RSPRY1: variants seen among roughly 807,000 people sequenced by gnomAD.
The protein encoded by RSPRY1 is ring finger and SPRY domain containing 1.
Under a neutral mutation model 73.1 loss-of-function variants are expected in RSPRY1, and 23 were observed. That is an observed-to-expected ratio of 0.31 (90% CI 0.23 to 0.45). RSPRY1 has a LOEUF of 0.45. Ranked by LOEUF, RSPRY1 falls within the 20% of genes least tolerant of loss-of-function variation. The pLI, the probability that RSPRY1 is intolerant of heterozygous loss-of-function variation, is 1.00. For missense variants in RSPRY1, 448 were observed against 698.7 expected, an observed-to-expected ratio of 0.64 and a Z score of 4.05; for synonymous variants, 226 against 251.4, an observed-to-expected ratio of 0.90 and a Z score of 0.95.
rs565148294 is a variant in RSPRY1 at position 57,186,332 on chromosome 16, T to G, written c.-275T>G. 13 of 208,360 alleles carry G rather than the reference T, an allele frequency of 6.2e-5. No individual in the cohort carries two copies. Among genetic ancestry groups the G allele is most frequent in the Non-Finnish European group, 1.0e-4 (12 of 118,692 alleles). The allele number at this position is 208,360 out of a possible 1,614,324, so 12.9% of individuals were successfully genotyped here. ...GGCGGTACGAAGCGGGGGTGGGCTC[T>G]GCGCGTAATGGCAGCGCCGTGGCCT... is the stretch of plus-strand genomic sequence containing the variant. On this transcript the variant is annotated 5_prime_UTR_variant, in exon 1 of 15. Transcript: ENST00000394420.
At chr16:57,193,506 C>CAA (rs2074386113) in intron 1 of RSPRY1, among the ~76,000 whole-genome samples, 1 of 100,688 alleles carries the variant, frequency 9.9e-6, no homozygotes, top group African/African-American at 3.6e-5. Flanking sequence ...TTTTTTTTTT[C>CAA]TTTGGAGACA....
At chr16:57,210,668 G>T (rs1181502806) in intron 4 of RSPRY1, among the ~76,000 whole-genome samples, 1 of 151,462 alleles carries the variant, frequency 6.6e-6, no homozygotes, top group African/African-American at 2.4e-5. Flanking sequence ...AGCTGAGATT[G>T]TGCTACTGCA....
At chr16:57,237,365 A>G (rs2075315331) in intron 14 of RSPRY1, among the ~76,000 whole-genome samples, 2 of 151,628 alleles carry the variant, frequency 1.3e-5, no homozygotes. Flanking sequence ...GCTGGCTCGA[A>G]CTCCTGACCT....
At chr16:57,219,296 T>G (rs1648307839) in intron 8 of RSPRY1, among the ~76,000 whole-genome samples, 1 of 152,234 alleles carries the variant, frequency 6.6e-6, no homozygotes, top group African/African-American at 2.4e-5. Flanking sequence ...AAGGGTTACC[T>G]TTTCTCCATA....
rs778607950 is a variant in RSPRY1 at position 57,216,121 on chromosome 16, C to T, written c.717C>T (p.His239=). ...TTGTTTTTCAGAAGTTACAGTCCCA[C>T]CCCACAGTCATGCTTTTTGCACTTA... is the stretch of plus-strand genomic sequence containing the variant. ...YLLQCLKLQS[H]PTVMLFALIA... is the part of the protein sequence containing the mutation. Residue 239 remains histidine (H), a synonymous_variant, in exon 7 of 15, where the codon CAC becomes CAT. Transcript: ENST00000394420. The T allele has an allele frequency of 6.2e-7, 1 of 1,608,432 alleles. No individual in the cohort carries two copies. The highest frequency in any genetic ancestry group is 2.2e-5 in the East Asian group (1 of 44,772).
chr16:57,186,226 T>G, upstream of RSPRY1: 1 of 959,600 alleles, frequency 1.0e-6, no homozygotes, highest in Non-Finnish European at 1.2e-6. Context: ...CGTGACACGA[T>G]TTTTGAAAGG....
intron 3 of RSPRY1, among the ~76,000 whole-genome samples, chr16:57,208,397 TATA>T (rs149245211): frequency 0.027 from 1,839 of 67,516 alleles, 50 homozygotes; most frequent in African/African-American, 0.08. Flanking sequence ...TATATATATA[TATA>T]TTTTTTTTTT....
At chr16:57,229,624 C>G (rs1473703319) in intron 11 of RSPRY1, among the ~76,000 whole-genome samples, 1 of 117,842 alleles carries the variant, frequency 8.5e-6, no homozygotes, top group Admixed American at 9.0e-5. Flanking sequence ...GTCTTAACAA[C>G]AAAAATAACA....
intron 11 of RSPRY1, among the ~76,000 whole-genome samples, chr16:57,228,714 A>G (rs2075159748): frequency 6.6e-6 from 1 of 152,164 alleles, no homozygotes; most frequent in South Asian, 2.1e-4. Flanking sequence ...TTTTTGAGAC[A>G]GGGTCTCATC....
At chr16:57,187,691 T>G (rs1216478285) in intron 1 of RSPRY1, among the ~76,000 whole-genome samples, 1 of 152,192 alleles carries the variant, frequency 6.6e-6, no homozygotes, top group Admixed American at 6.5e-5. Flanking sequence ...AGGGGTGGGA[T>G]TAATACAGTC....
rs560873423 is a variant in RSPRY1, at chr16:57,192,026, T to G, written c.-156+5575T>G. 1.2e-4 allele frequency among the ~76,000 whole-genome samples: 18 copies of G among 152,344 alleles called. No homozygotes were observed. In the East Asian group the frequency reaches 1.5e-3, roughly 13 times the overall value. On this transcript the variant is annotated intron_variant, in intron 1 of 14. Coordinates refer to ENST00000394420, the MANE Select transcript of RSPRY1 (RefSeq NM_133368.3). ...TTGGATATATAGTTATTGAATGGTGTTGTCTCAGTTTTTCAAAATGGTAAA... is the reference window on the plus strand; with the variant it reads ...TTGGATATATAGTTATTGAATGGTGGTGTCTCAGTTTTTCAAAATGGTAAA...
At chr16:57,194,157 G>T (rs1474353247) in intron 1 of RSPRY1, among the ~76,000 whole-genome samples, 2 of 152,132 alleles carry the variant, frequency 1.3e-5, no homozygotes, top group Non-Finnish European at 2.9e-5. Context: ...TATGCATGCT[G>T]AATTATTTAA....
At chr16:57,193,589 T>A (rs1468856964) in intron 1 of RSPRY1, among the ~76,000 whole-genome samples, 1 of 151,800 alleles carries the variant, frequency 6.6e-6, no homozygotes, top group Non-Finnish European at 1.5e-5. Context: ...ACCTTCTGGA[T>A]TCAAGTGATC....
intron 1 of RSPRY1, among the ~76,000 whole-genome samples, chr16:57,195,400 T>C (rs1198370098): frequency 6.6e-6 from 1 of 151,866 alleles, no homozygotes; most frequent in Non-Finnish European, 1.5e-5. Flanking sequence ...TAATCCCAGC[T>C]ATTCGGGTGG....
intron 1 of RSPRY1, among the ~76,000 whole-genome samples, chr16:57,191,472 G>T (rs2074350742): frequency 6.6e-6 from 1 of 152,040 alleles, no homozygotes; most frequent in South Asian, 2.1e-4. Flanking sequence ...TGGGAAACCT[G>T]GCACCAATAC....
rs1248412690 is a variant in RSPRY1 at position 57,221,355 on chromosome 16, G to A, written c.1101G>A (p.Val367=). 1 of 1,613,926 alleles carries A rather than the reference G, an allele frequency of 6.2e-7. No individual in the cohort carries two copies. Among genetic ancestry groups the A allele is most frequent in the South Asian group, 1.1e-5 (1 of 91,074 alleles). The stretch of plus-strand genomic sequence containing the variant: ...GGGTATGGTACTATGAAGTAACAGT[G>A]GTCACTTCTGGCGTCATGCAGATTG... ...DAGVWYYEVT[V]VTSGVMQIGW... Residue 367 remains valine, a synonymous_variant, in exon 10 of 15, where the codon GTG becomes GTA. Coordinates refer to ENST00000394420, the MANE Select transcript of RSPRY1 (RefSeq NM_133368.3).
intron 12 of RSPRY1, 80 bp downstream of exon 12, chr16:57,230,893 A>G (rs2075207753): frequency 9.4e-6 from 8 of 852,782 alleles, no homozygotes; most frequent in Middle Eastern, 2.2e-4. Context: ...GTCTTTGTCC[A>G]TTTATATATG....
chr16:57,209,009 G>A (rs945400053), intron 3 of RSPRY1, 66 bp from the exon 4 acceptor site: 85 of 1,063,534 alleles, frequency 8.0e-5, no homozygotes, highest in South Asian at 1.7e-4. Context: ...AATTGATCTC[G>A]TGTGACATAT....
chr16:57,233,720 G>A lies in RSPRY1; in HGVS notation c.1530-1404G>A, dbSNP rs138307905. ...CATCCCAGTTTCCCTGGCCATAACC[G>A]TAGAGTATCCTTGACACCTTACTTT... On this transcript the variant is annotated intron_variant, in intron 13 of 14. Coordinates refer to ENST00000394420, the MANE Select transcript of RSPRY1 (RefSeq NM_133368.3). Among the ~76,000 whole-genome samples, 1,158 of 152,204 alleles carry A rather than the reference G, an allele frequency of 7.6e-3. 18 individuals are homozygous for A. Among genetic ancestry groups the A allele is most frequent in the African/African-American group, 0.026 (1,084 of 41,502 alleles).
Sources: allele counts gnomAD v4.1 joint callset (sites outside exome capture counted in the v4.1 genomes callset), GRCh38; gene constraint gnomAD v4.1.1; transcripts MANE v1.5; gene names NCBI Gene and HGNC (gene_info 2026-07-23, HGNC 2026-07-21).